Variants in MRTFB observed in about 807,000 individuals in gnomAD.
The protein encoded by MRTFB is myocardin related transcription factor B.
A neutral mutation model predicts 104.2 loss-of-function variants in MRTFB; 29 were observed. The ratio of observed to expected loss-of-function variants is 0.28; its 90% CI spans 0.21 to 0.38. MRTFB has a LOEUF of 0.38. Among genes scored for constraint, MRTFB ranks in the 10% least tolerant of loss-of-function variants. MRTFB has a pLI of 1.00. For synonymous variants in MRTFB, 535 were observed against 519.5 expected (o/e 1.03, Z -0.41); for missense variants, 1,270 against 1,341.6 (o/e 0.95, Z 0.83).
chr16:14,057,805 G>A, the MRTFB span, among the ~76,000 whole-genome samples: 3 of 152,214 alleles, frequency 2.0e-5, no homozygotes, highest in African/African-American at 7.2e-5. Context: ...CACTCTGATG[G>A]CAAATGAAGT....
chr16:14,003,571 G>A, the MRTFB span, among the ~76,000 whole-genome samples: 2 of 152,008 alleles, frequency 1.3e-5, no homozygotes, highest in Admixed American at 6.6e-5. Context: ...TCCTGGCAGG[G>A]AAGACCACTG....
At chr16:14,251,789 A>G in intron 13 of MRTFB, 73 bp from the exon 14 acceptor site, 1 of 1,551,306 alleles carries the variant, frequency 6.4e-7, no homozygotes, top group Non-Finnish European at 8.8e-7. Flanking sequence ...CCCCTGTCCT[A>G]AAACATGGTT....
intron 3 of MRTFB, among the ~76,000 whole-genome samples, chr16:14,155,347 T>C (rs2038790159): frequency 6.6e-6 from 1 of 152,228 alleles, no homozygotes; most frequent in African/African-American, 2.4e-5. Context: ...CTCCATGTTA[T>C]ATTTATGTTT....
the MRTFB span, chr16:14,016,084 G>T: frequency 7.5e-6 from 3 of 397,990 alleles, no homozygotes; most frequent in Non-Finnish European, 8.9e-6. Context: ...TGCTCTGTTT[G>T]TAAGCTGGGA....
At chr16:14,193,320 T>C (rs1270894403) in intron 3 of MRTFB, among the ~76,000 whole-genome samples, 1 of 149,498 alleles carries the variant, frequency 6.7e-6, no homozygotes, top group African/African-American at 2.5e-5. Context: ...GTACTTGGGA[T>C]AAAATCAAAA....
chr16:14,169,301 T>C (rs1255677262), intron 3 of MRTFB, among the ~76,000 whole-genome samples: 1 of 152,246 alleles, frequency 6.6e-6, no homozygotes, highest in East Asian at 1.9e-4. Context: ...TCCATGCTTC[T>C]CCTTCTTATG....
intron 3 of MRTFB, among the ~76,000 whole-genome samples, chr16:14,154,165 T>G (rs527445991): frequency 1.3e-5 from 2 of 152,234 alleles, no homozygotes; most frequent in African/African-American, 4.8e-5. Context: ...AGACCCTGTC[T>G]CTACAAAAAA....
Position 14,247,220 on chromosome 16 carries a change from A to G in MRTFB, c.1960A>G (p.Ile654Val), listed in dbSNP as rs146533620. 2 of 1,614,054 alleles carry G rather than the reference A, an allele frequency of 1.2e-6. No homozygotes were observed. The highest frequency in any genetic ancestry group is 1.3e-5 in the African/African-American group (1 of 74,938). ...TGACTGCTCCAGCTCCAGGCAGCCC[A>G]TCCCAGTAGCCAGCCACGCTGTAGG... ...LPDCSSSRQP[I>V]PVASHAVGQP... Residue 654 changes from isoleucine (I) to valine (V), a missense_variant, in exon 12 of 17, where the codon ATC becomes GTC. Around this residue, in one of 3 missense-constraint regions of MRTFB, gnomAD observed 1,144 missense variants for 1,131.5 expected, o/e 1.01. Coordinates refer to ENST00000571589, the MANE Select transcript of MRTFB (RefSeq NM_001308142.2).
rs536424286 is a variant in MRTFB at position 14,261,683 on chromosome 16, C to T, written c.*239C>T. ...TTCTGAAAATCGCACTTGTCAAAGA[C>T]GACTCATCTATTTCTCCAGACTTCA... On this transcript the variant is annotated 3_prime_UTR_variant, in exon 17 of 17. Coordinates refer to ENST00000571589, the MANE Select transcript of MRTFB (RefSeq NM_001308142.2). 5 of 442,192 alleles carry T rather than the reference C, an allele frequency of 1.1e-5. No homozygotes were observed. Among genetic ancestry groups the T allele is most frequent in the East Asian group, 7.0e-5 (2 of 28,580 alleles). The allele number at this position is 442,192 out of a possible 1,614,324, so 27.4% of individuals were successfully genotyped here. A position where few individuals can be genotyped will look rare whatever the true frequency, so the allele number is the denominator to read the frequency against.
chr16:14,118,165 C>T (rs1464905391), intron 2 of MRTFB, among the ~76,000 whole-genome samples: 1 of 138,138 alleles, frequency 7.2e-6, no homozygotes, highest in African/African-American at 2.8e-5. Flanking sequence ...GAGACAGGGT[C>T]TCATTCTGTC....
intron 3 of MRTFB, among the ~76,000 whole-genome samples, chr16:14,194,096 T>C (rs1341332729): frequency 1.3e-5 from 2 of 152,248 alleles, no homozygotes. Flanking sequence ...TTCCGTTGTT[T>C]CCTAAAGATA....
the MRTFB span, among the ~76,000 whole-genome samples, chr16:14,062,853 T>G: frequency 2.0e-5 from 3 of 152,154 alleles, no homozygotes; most frequent in Admixed American, 1.3e-4. Context: ...CTTTAGCCGC[T>G]GCTGCCGTCA....
intron 2 of MRTFB, among the ~76,000 whole-genome samples, chr16:14,108,126 G>A (rs2036086143): frequency 6.6e-6 from 1 of 152,134 alleles, no homozygotes; most frequent in Admixed American, 6.5e-5. Context: ...TTTAGACCAG[G>A]GTCACATGCT....
intron 3 of MRTFB, chr16:14,152,296 T>C (rs1017235524): frequency 6.6e-6 from 1 of 152,006 alleles, no homozygotes; most frequent in African/African-American, 2.4e-5. Flanking sequence ...TATAAACAAG[T>C]ATGTTAAAAA....
chr16:14,248,408 A>G (rs540581130), intron 12 of MRTFB: 6 of 152,526 alleles, frequency 3.9e-5, no homozygotes, highest in African/African-American at 1.4e-4. Context: ...TGTGAAATTG[A>G]AAGTCTATTC....
chr16:14,198,004 C>T (rs2040516045), intron 3 of MRTFB, among the ~76,000 whole-genome samples: 1 of 152,078 alleles, frequency 6.6e-6, no homozygotes, highest in Admixed American at 6.5e-5. Flanking sequence ...CCCTTCCCCG[C>T]AATCCCTGGC....
chr16:14,003,307 G>T, the MRTFB span, among the ~76,000 whole-genome samples: 1 of 152,074 alleles, frequency 6.6e-6, no homozygotes, highest in Admixed American at 6.5e-5. Flanking sequence ...AGGGAGAAAT[G>T]GTCCTGTCAC....
chr16:14,187,380 T>G (rs1049142063), intron 3 of MRTFB, among the ~76,000 whole-genome samples: 1 of 152,224 alleles, frequency 6.6e-6, no homozygotes, highest in African/African-American at 2.4e-5. Flanking sequence ...CTTTTTTATG[T>G]TAGTGAGAAC....
At chr16:14,207,273 G>C (rs1477855817) in intron 3 of MRTFB, among the ~76,000 whole-genome samples, 2 of 152,180 alleles carry the variant, frequency 1.3e-5, no homozygotes, top group African/African-American at 4.8e-5. Flanking sequence ...GTATAAGTAG[G>C]GTTGTTTGGT....
Sources: gnomAD v4.1 joint callset for allele counts (sites outside exome capture counted in the v4.1 genomes callset) on GRCh38, gnomAD v4.1.1 for gene constraint, gnomAD v4.1.1 regional missense constraint, MANE v1.5 for transcripts, NCBI Gene and HGNC (gene_info 2026-07-23, HGNC 2026-07-21) for gene names.